LRP1B: variants seen among roughly 807,000 people sequenced by gnomAD.
The protein encoded by LRP1B is low-density lipoprotein receptor-related protein 1B.
LRP1B carries 217 observed loss-of-function variants against 556.6 expected under a neutral mutation model. The ratio of observed to expected loss-of-function variants is 0.39; its 90% CI spans 0.35 to 0.44. The LOEUF (loss-of-function observed/expected upper bound fraction) is 0.44, where lower values mean the gene tolerates loss of function less well. LRP1B is among the 20% of genes least tolerant of loss of function. The pLI is 1.00. For missense variants in LRP1B, 5,053 were observed against 5,620.8 expected, an observed-to-expected ratio of 0.90 and a Z score of 3.23; for synonymous variants, 2,047 against 1,865.8, an observed-to-expected ratio of 1.10 and a Z score of -2.50.
intron 23 of LRP1B, among the ~76,000 whole-genome samples, chr2:140,896,300 T>C (rs1026741412): frequency 1.3e-5 from 2 of 151,962 alleles, no homozygotes; most frequent in Non-Finnish European, 2.9e-5. Context: ...AAAAGTAGCA[T>C]TTATGAAATA....
chr2:140,529,215 A>T (rs1450550994), intron 47 of LRP1B, among the ~76,000 whole-genome samples: 2 of 152,070 alleles, frequency 1.3e-5, no homozygotes, highest in East Asian at 3.9e-4. Flanking sequence ...CAAAAGTAGC[A>T]GCAAGAGAGA....
At chr2:141,696,748 G>A (rs1411832015) in intron 2 of LRP1B, among the ~76,000 whole-genome samples, 2 of 152,014 alleles carry the variant, frequency 1.3e-5, no homozygotes, top group East Asian at 3.9e-4. Context: ...CAATTTTGAG[G>A]GAAGATTAAG....
chr2:140,809,551 C>T (rs1690845257), intron 32 of LRP1B, among the ~76,000 whole-genome samples: 1 of 152,144 alleles, frequency 6.6e-6, no homozygotes, highest in Admixed American at 6.5e-5. Context: ...TTTACTCATT[C>T]ATAACCTGCT....
At position 141,229,462 on chromosome 2, in the gene LRP1B, G is replaced by C. The variant is rs1490625448; in HGVS notation, c.593-22C>G. ...GGTTCTGGAATAAAATAGAAAAAGAGAAGTAAATTCAGTAAGAGTCAAGAT... is the reference window on the plus strand; with the variant it reads ...GGTTCTGGAATAAAATAGAAAAAGACAAGTAAATTCAGTAAGAGTCAAGAT... On this transcript the variant is annotated intron_variant, in intron 5 of 90. Transcript: ENST00000389484. The C allele has an allele frequency of 4.7e-6, 7 of 1,481,924 alleles. No homozygotes were observed. The South Asian group carries it at 8.6e-5, about 18-fold the overall frequency. The allele number at this position is 1,481,924 out of a possible 1,614,324, so 91.8% of individuals were successfully genotyped here. A position where few individuals can be genotyped will look rare whatever the true frequency, so the allele number is the denominator to read the frequency against.
At chr2:140,503,889 C>T (rs181068442) in intron 53 of LRP1B, among the ~76,000 whole-genome samples, 45 of 151,936 alleles carry the variant, frequency 3.0e-4, no homozygotes, top group Admixed American at 8.5e-4. Flanking sequence ...ACAATTCCAA[C>T]GGAAAATATA....
chr2:140,734,755 C>T (rs901358188), intron 35 of LRP1B, among the ~76,000 whole-genome samples: 7 of 152,124 alleles, frequency 4.6e-5, no homozygotes, highest in African/African-American at 4.8e-5. Flanking sequence ...GAAGCAGATA[C>T]TAACGGAGGC....
chr2:141,712,442 A>G lies in LRP1B; in HGVS notation c.205+97837T>C, dbSNP rs560474224. ...TATATAATGTATGATTATTCCAAGT[A>G]TAGGTCATGTTATCTTTAGCCCAAA... On this transcript the variant is annotated intron_variant, in intron 2 of 90. Transcript: ENST00000389484. Among the ~76,000 whole-genome samples the G allele has an allele frequency of 1.1e-4, 16 of 152,222 alleles. No individual in the cohort carries two copies. The Middle Eastern group carries it at 0.01, about 98-fold the overall frequency.
At chr2:141,292,925 T>C (rs1482757711) in intron 3 of LRP1B, among the ~76,000 whole-genome samples, 1 of 152,180 alleles carries the variant, frequency 6.6e-6, no homozygotes, top group African/African-American at 2.4e-5. Flanking sequence ...TATACCCTAT[T>C]AGTTTATCAT....
chr2:140,862,230 T>C (rs553772775), intron 27 of LRP1B, among the ~76,000 whole-genome samples: 1 of 152,248 alleles, frequency 6.6e-6, no homozygotes, highest in South Asian at 2.1e-4. Flanking sequence ...GCCTAAAGGC[T>C]AATACTGGCC....
intron 1 of LRP1B, among the ~76,000 whole-genome samples, chr2:141,934,950 C>T (rs1477145556): frequency 6.6e-6 from 1 of 152,026 alleles, no homozygotes; most frequent in Non-Finnish European, 1.5e-5. Flanking sequence ...AGTTTATTAT[C>T]TAATCCAGCA....
Position 141,015,727 on chromosome 2 carries a change from T to C in LRP1B, c.2159A>G (p.Glu720Gly). The C allele has an allele frequency of 6.2e-7, 1 of 1,613,120 alleles. No homozygotes were observed. The highest frequency in any genetic ancestry group is 1.3e-5 in the African/African-American group (1 of 74,998). ...GTGAGTCCCATTCAAAAATACTTTT[T>C]CAATATGATCGTAATAGGCATCACA... ...YWCDAYYDHIEKVFLNGTHRK... is the reference protein window; with the variant it reads ...YWCDAYYDHIGKVFLNGTHRK... Residue 720 changes from glutamate (E) to glycine (G), a missense_variant, in exon 13 of 91, where the codon GAA (glutamate) becomes GGA (glycine). By Grantham distance (98) the Glu-to-Gly change is moderately conservative. Transcript: ENST00000389484.
At chr2:141,770,799 T>C (rs1209396762) in intron 2 of LRP1B, among the ~76,000 whole-genome samples, 1 of 152,202 alleles carries the variant, frequency 6.6e-6, no homozygotes, top group Non-Finnish European at 1.5e-5. Flanking sequence ...CCTATTGATA[T>C]GTATTCAAGT....
intron 1 of LRP1B, among the ~76,000 whole-genome samples, chr2:141,991,973 C>T (rs940465056): frequency 1.3e-5 from 2 of 152,192 alleles, no homozygotes; most frequent in Admixed American, 6.6e-5. Context: ...TCCAGGACTC[C>T]CTTGGATATC....
chr2:141,273,750 A>G (rs1165030386), intron 3 of LRP1B, among the ~76,000 whole-genome samples: 2 of 152,236 alleles, frequency 1.3e-5, no homozygotes, highest in Admixed American at 1.3e-4. Flanking sequence ...AAAAGTATTT[A>G]TGCTTCAAAT....
At chr2:140,673,917 C>G (rs994683608) in intron 41 of LRP1B, among the ~76,000 whole-genome samples, 2 of 151,712 alleles carry the variant, frequency 1.3e-5, no homozygotes, top group African/African-American at 4.8e-5. Context: ...ACATATTTTA[C>G]CCCGAAATAT....
At chr2:141,115,625 TTGTGTGTGTGTG>T (rs70991139) in intron 7 of LRP1B, among the ~76,000 whole-genome samples, 4 of 91,494 alleles carry the variant, frequency 4.4e-5, no homozygotes, top group African/African-American at 1.4e-4. Flanking sequence ...CCCGGCTAAT[TTGTGTGTGTGTG>T]TGTGTGTGTG....
intron 18 of LRP1B, among the ~76,000 whole-genome samples, chr2:140,975,359 G>A (rs1273677113): frequency 1.3e-5 from 2 of 152,200 alleles, no homozygotes; most frequent in South Asian, 2.1e-4. Context: ...TCTCAATAGA[G>A]TTGCATTTCT....
chr2:141,868,835 GAA>G lies in LRP1B; in HGVS notation c.83-58436_83-58435del, dbSNP rs1296838947. On this transcript the variant is annotated intron_variant, in intron 1 of 90. Transcript: ENST00000389484. ...TGTGTACAAAGGAACAAAATGTCAA[GAA>G]AGGTATCATCTTTTACTGCCTAATA... Among the ~76,000 whole-genome samples, 3 of 152,066 alleles carry G rather than the reference GAA, an allele frequency of 2.0e-5. No homozygotes were observed. In the East Asian group the frequency reaches 5.8e-4, roughly 29 times the overall value.
chr2:140,628,592 AT>A (rs1257782130), intron 41 of LRP1B, among the ~76,000 whole-genome samples: 1 of 152,080 alleles, frequency 6.6e-6, no homozygotes. Flanking sequence ...AAATGTGTAG[AT>A]TTGCAAAGTA....
Sources: allele counts gnomAD v4.1 joint callset (sites outside exome capture counted in the v4.1 genomes callset), GRCh38; gene constraint gnomAD v4.1.1; transcripts MANE v1.5; gene names NCBI Gene and HGNC (gene_info 2026-07-23, HGNC 2026-07-21).